Variants in ANGPTL6 observed in about 807,000 individuals in gnomAD.
ANGPTL6 encodes angiopoietin like 6.
A neutral mutation model predicts 47.4 loss-of-function variants in ANGPTL6; 45 were observed. That is an observed-to-expected ratio of 0.95 (90% confidence interval 0.75 to 1.22). The LOEUF is 1.22. ANGPTL6 is among the 50% of genes most tolerant of loss of function. The pLI is 0.00. For missense variants in ANGPTL6, 698 were observed against 669.4 expected (o/e 1.04, Z -0.47); for synonymous variants, 290 against 295.9 (o/e 0.98, Z 0.20).
intron 1 of ANGPTL6, among the ~76,000 whole-genome samples, chr19:10,101,414 G>A (rs1193910227): frequency 6.6e-6 from 1 of 151,860 alleles, no homozygotes; most frequent in Admixed American, 6.6e-5. Context: ...TAAAGAATAA[G>A]GGACACTTTC....
intron 3 of ANGPTL6, 82 bp from the exon 4 acceptor site, chr19:10,093,962 C>G (rs779873375): frequency 5.0e-5 from 72 of 1,437,072 alleles, no homozygotes; most frequent in Non-Finnish European, 6.2e-5. Flanking sequence ...TCTCACAGGT[C>G]CTCTCACCAG....
intron 1 of ANGPTL6, among the ~76,000 whole-genome samples, chr19:10,100,118 G>A (rs1004323030): frequency 6.7e-6 from 1 of 150,104 alleles, no homozygotes; most frequent in African/African-American, 2.4e-5. Context: ...GCGTGGTGGC[G>A]CATGCCTGTA....
upstream of ANGPTL6, among the ~76,000 whole-genome samples, chr19:10,104,348 A>G (rs866627827): frequency 3.8e-3 from 521 of 137,492 alleles, 2 homozygotes; most frequent in African/African-American, 0.014. Flanking sequence ...GTGTGTGTGT[A>G]GTTTTATGGT....
chr19:10,101,347 C>A (rs2145184052), intron 1 of ANGPTL6, among the ~76,000 whole-genome samples: 1 of 152,090 alleles, frequency 6.6e-6, no homozygotes, highest in South Asian at 2.1e-4. Context: ...AGTTTGAGAC[C>A]AGCCTGGCCA....
At chr19:10,094,144 T>G in intron 3 of ANGPTL6, among the ~76,000 whole-genome samples, 1 of 151,988 alleles carries the variant, frequency 6.6e-6, no homozygotes, top group East Asian at 1.9e-4. Flanking sequence ...AAATGTCAAG[T>G]CTGGGGTTCT....
rs755924688 is a variant in ANGPTL6, at chr19:10,093,428, ATGGTAC to A, written c.1137_1142del (p.Gln379_Tyr380del). The A allele has an allele frequency of 1.2e-6, 2 of 1,614,004 alleles. No individual in the cohort carries two copies. The highest frequency in any genetic ancestry group is 2.7e-5 in the African/African-American group (2 of 74,898). ...AGGAAAGAGAGTCTCCAGCATCACC[ATGGTAC>A]TGGCCAAGCCGCAGGCGGTAGTGGT... On this transcript the variant is annotated inframe_deletion, in exon 5 of 6. Coordinates refer to ENST00000253109, the MANE Select transcript of ANGPTL6 (RefSeq NM_031917.3).
chr19:10,102,338 C>G (rs909108366), intron 1 of ANGPTL6, among the ~76,000 whole-genome samples: 2 of 151,444 alleles, frequency 1.3e-5, no homozygotes, highest in African/African-American at 4.8e-5. Context: ...AGCAGGGGCT[C>G]ACAAGGATCC....
At chr19:10,094,566 CTAAAG>C (rs755485015) in intron 3 of ANGPTL6, 187 bp downstream of exon 3, 1 of 711,664 alleles carries the variant, frequency 1.4e-6, no homozygotes, top group African/African-American at 1.8e-5. Flanking sequence ...CATCGCCTCA[CTAAAG>C]TAAGAGTCCC....
In ANGPTL6 at chr19:10,093,388, G is replaced by C; in HGVS notation, c.1183C>G (p.Pro395Ala). ...CGGTCCCTATCCACGGTGCTGAAGG[G>C]CTTGTCATTGTGCCAGGAAAGAGAG... ...GDSLSWHNDK[P>A]FSTVDRDRDS... Residue 395 changes from proline to alanine, a missense_variant, in exon 5 of 6, where the codon CCC becomes GCC. Physicochemically the swap from Pro to Ala is conservative, Grantham distance 27. Transcript: ENST00000253109. 3 of 1,614,130 alleles carry C rather than the reference G, an allele frequency of 1.9e-6. No individual in the cohort carries two copies. Among genetic ancestry groups the C allele is most frequent in the Non-Finnish European group, 1.7e-6 (2 of 1,180,024 alleles).
chr19:10,095,872 A>C, intron 2 of ANGPTL6, 110 bp downstream of exon 2: 1 of 647,674 alleles, frequency 1.5e-6, no homozygotes, highest in Non-Finnish European at 2.2e-6. Flanking sequence ...GCGAGTAGGA[A>C]TCCGGTTTTC....
In ANGPTL6 at chr19:10,096,510, C is replaced by T. The variant is rs2088548707; in HGVS notation, c.54G>A (p.Ser18=). The part of the protein sequence containing the change: ...ALQLLLLLGA[S]WARAGAPRCT... Reference sequence around the variant, plus strand: ...AGCGCGGGGCGCCCGCCCGCGCCCACGACGCGCCCAGCAGGAGCAGCAGCT... The same window carrying T: ...AGCGCGGGGCGCCCGCCCGCGCCCATGACGCGCCCAGCAGGAGCAGCAGCT... The change falls in exon 2 of 6, where the codon TCG becomes TCA. Residue 18 remains serine, a synonymous_variant. Transcript: ENST00000253109. 3 of 1,513,338 alleles carry T rather than the reference C, an allele frequency of 2.0e-6. No individual in the cohort carries two copies. The highest frequency in any genetic ancestry group is 2.1e-5 in the Admixed American group (1 of 48,406). The allele number at this position is 1,513,338 out of a possible 1,614,324, so 93.7% of individuals were successfully genotyped here.
At chr19:10,094,304 G>A (rs924412805) in intron 3 of ANGPTL6, among the ~76,000 whole-genome samples, 4 of 151,940 alleles carry the variant, frequency 2.6e-5, no homozygotes, top group Admixed American at 2.0e-4. Context: ...CCGCCACCAC[G>A]CCCAGCTAAT....
chr19:10,095,920 G>A (rs1045140673), intron 2 of ANGPTL6, 62 bp downstream of exon 2: 6 of 975,138 alleles, frequency 6.2e-6, no homozygotes, highest in Non-Finnish European at 6.7e-6. Flanking sequence ...ATAAGAGATC[G>A]TGGGGTTGCA....
At chr19:10,095,341 G>A (rs2088504277) in intron 2 of ANGPTL6, among the ~76,000 whole-genome samples, 1 of 152,170 alleles carries the variant, frequency 6.6e-6, no homozygotes, top group African/African-American at 2.4e-5. Context: ...GAACCTGGGA[G>A]GTGGAGGTTG....
At chr19:10,105,774 G>T (rs987218243), upstream of ANGPTL6, among the ~76,000 whole-genome samples, 1 of 152,188 alleles carries the variant, frequency 6.6e-6, no homozygotes, top group Non-Finnish European at 1.5e-5. Flanking sequence ...GAAGCCAGAG[G>T]CCTGAGGCCA....
chr19:10,095,897 T>G, intron 2 of ANGPTL6, 85 bp downstream of exon 2: 1 of 873,422 alleles, frequency 1.1e-6, no homozygotes, highest in East Asian at 3.3e-5. Context: ...TTTTGCGGAT[T>G]TCAGAACTGT....
At position 10,092,533 on chromosome 19, in the gene ANGPTL6, C is replaced by T; in HGVS notation, c.*56G>A. The T allele has an allele frequency of 6.5e-7, 1 of 1,549,022 alleles. No individual in the cohort carries two copies. Among genetic ancestry groups the T allele is most frequent in the Middle Eastern group, 1.8e-4 (1 of 5,510 alleles). On this transcript the variant is annotated 3_prime_UTR_variant, in exon 6 of 6. Coordinates refer to ENST00000253109, the MANE Select transcript of ANGPTL6 (RefSeq NM_031917.3). The stretch of plus-strand genomic sequence containing the variant: ...CACAAAGAAGGTGTGGCCAGAACAA[C>T]TTGGGCTCCTGCTGACCAATGTCCT...
At chr19:10,097,381 C>T (rs1292276750) in intron 1 of ANGPTL6, among the ~76,000 whole-genome samples, 1 of 126,172 alleles carries the variant, frequency 7.9e-6, no homozygotes, top group African/African-American at 3.0e-5. Flanking sequence ...GACTCTGTCT[C>T]AAAAGAAAAA....
rs143472163 is a variant in ANGPTL6 at position 10,095,671 on chromosome 19, G to A, written c.582+311C>T. Among the ~76,000 whole-genome samples, 384 of 152,272 alleles carry A rather than the reference G, an allele frequency of 2.5e-3. 1 individual carries two copies. The highest frequency in any genetic ancestry group is 9.9e-3 in the South Asian group (48 of 4,828). On this transcript the variant is annotated intron_variant, in intron 2 of 5. Coordinates refer to ENST00000253109, the MANE Select transcript of ANGPTL6 (RefSeq NM_031917.3). Reference sequence around the variant, plus strand: ...AATAACACGGCTGGATTTAGACACAGTGACACAGGGAGGGTTATGTATATG... The same window carrying A: ...AATAACACGGCTGGATTTAGACACAATGACACAGGGAGGGTTATGTATATG...
Sources: allele counts gnomAD v4.1 joint callset (sites outside exome capture counted in the v4.1 genomes callset), GRCh38; gene constraint gnomAD v4.1.1; transcripts MANE v1.5; gene names NCBI Gene and HGNC (gene_info 2026-07-23, HGNC 2026-07-21).